Variants in RAB10 observed in about 807,000 individuals in gnomAD.
RAB10 encodes the protein RAB10, member RAS oncogene family.
RAB10 carries 5 observed loss-of-function variants against 25.7 expected under a neutral mutation model. That is an observed-to-expected ratio of 0.19 (90% CI 0.10 to 0.41). RAB10 has a LOEUF of 0.41. Among genes scored for constraint, RAB10 ranks in the 10% least tolerant of loss-of-function variants. The pLI, the probability that RAB10 is intolerant of heterozygous loss-of-function variation, is 1.00. For missense variants in RAB10, 103 were observed against 245.8 expected, an observed-to-expected ratio of 0.42 and a Z score of 3.89; for synonymous variants, 89 against 86.4, an observed-to-expected ratio of 1.03 and a Z score of -0.16.
chr2:26,038,374 T>G (rs561835176), intron 1 of RAB10, among the ~76,000 whole-genome samples: 1 of 151,508 alleles, frequency 6.6e-6, no homozygotes, highest in African/African-American at 2.4e-5. Context: ...TTTAGTATTT[T>G]TAGTAGAGGT....
chr2:26,078,208 G>A (rs1161519541), intron 1 of RAB10, among the ~76,000 whole-genome samples: 1 of 152,188 alleles, frequency 6.6e-6, no homozygotes, highest in Middle Eastern at 3.2e-3. Context: ...GGCATCCAAT[G>A]TCTGTAGACC....
intron 3 of RAB10, among the ~76,000 whole-genome samples, chr2:26,111,461 G>A (rs1667570497): frequency 6.6e-6 from 1 of 152,006 alleles, no homozygotes; most frequent in Non-Finnish European, 1.5e-5. Flanking sequence ...AAACTTAGCT[G>A]GGTGGGGTGG....
In RAB10 at chr2:26,135,057, CCGT is replaced by C; in HGVS notation, c.*37_*39del. The C allele has an allele frequency of 6.5e-7, 1 of 1,532,026 alleles. No homozygotes were observed. Among genetic ancestry groups the C allele is most frequent in the Non-Finnish European group, 9.0e-7 (1 of 1,112,320 alleles). The allele number at this position is 1,532,026 out of a possible 1,614,324, so 94.9% of individuals were successfully genotyped here. On this transcript the variant is annotated 3_prime_UTR_variant, in exon 6 of 6. Transcript: ENST00000264710. The stretch of plus-strand genomic sequence containing the variant: ...GTTCCATCAGTTGCCATCCACTACC[CCGT>C]TTTCTCTTCTTGCTGCAAAATAAAC...
rs189966866 is a variant in RAB10 at position 26,068,327 on chromosome 2, C to T, written c.128-30335C>T. ...AGCCTGGTAGTCCATGCTAAGGATT[C>T]GAATTCCATGGAAGGTTTGAGCAGG... On this transcript the variant is annotated intron_variant, in intron 1 of 5. Transcript: ENST00000264710. Among the ~76,000 whole-genome samples, 11 of 152,140 alleles carry T rather than the reference C, an allele frequency of 7.2e-5. No homozygotes were observed. In the South Asian group the frequency reaches 1.0e-3, roughly 14 times the overall value.
intron 2 of RAB10, among the ~76,000 whole-genome samples, chr2:26,108,412 G>A (rs993693257): frequency 2.6e-5 from 4 of 152,122 alleles, no homozygotes; most frequent in Admixed American, 2.0e-4. Flanking sequence ...TCAAAAGGTA[G>A]CATACTACAT....
intron 3 of RAB10, among the ~76,000 whole-genome samples, chr2:26,119,408 C>G (rs916343916): frequency 2.4e-4 from 34 of 144,216 alleles, no homozygotes; most frequent in African/African-American, 8.4e-4. Context: ...GACCCTGTCT[C>G]AAAAAAAAAA....
chr2:26,101,588 GCTT>G (rs1667340540), intron 2 of RAB10: 1 of 152,610 alleles, frequency 6.6e-6, no homozygotes, highest in Non-Finnish European at 1.5e-5. Flanking sequence ...GGCGGGCAGT[GCTT>G]CTAGGGACTG....
intron 1 of RAB10, among the ~76,000 whole-genome samples, chr2:26,059,832 G>A (rs1369743073): frequency 4.6e-5 from 7 of 152,140 alleles, no homozygotes; most frequent in African/African-American, 7.2e-5. Flanking sequence ...CTGGAGATAC[G>A]TTTCACAACA....
intron 1 of RAB10, among the ~76,000 whole-genome samples, chr2:26,041,423 C>T (rs1251991128): frequency 1.3e-5 from 2 of 150,696 alleles, no homozygotes; most frequent in African/African-American, 4.9e-5. Context: ...TGCCTGTTGC[C>T]CCAGCTGCTT....
chr2:26,068,804 T>G (rs1666566453), intron 1 of RAB10, among the ~76,000 whole-genome samples: 1 of 152,234 alleles, frequency 6.6e-6, no homozygotes, highest in Non-Finnish European at 1.5e-5. Context: ...GGGCAAGGCT[T>G]AAAACCAGCT....
Position 26,105,516 on chromosome 2 carries a change from G to A in RAB10, c.189-4252G>A, listed in dbSNP as rs867984922. On this transcript the variant is annotated intron_variant, in intron 2 of 5. Transcript: ENST00000264710. ...CTAAAAATATTAAAATTAGCTGGGC[G>A]TGGTGGCACACACCTGTAATCCCAG... Among the ~76,000 whole-genome samples the A allele has an allele frequency of 1.4e-4, 21 of 151,982 alleles. 1 individual carries two copies. Among genetic ancestry groups the A allele is most frequent in the Non-Finnish European group, 2.2e-4 (15 of 68,018 alleles).
At chr2:26,092,341 C>T (rs990310025) in intron 1 of RAB10, among the ~76,000 whole-genome samples, 1 of 140,476 alleles carries the variant, frequency 7.1e-6, no homozygotes, top group African/African-American at 2.6e-5. Flanking sequence ...TTAATAATAA[C>T]AACAACAACA....
chr2:26,134,312 C>G (rs1269519445), intron 5 of RAB10, among the ~76,000 whole-genome samples: 1 of 152,024 alleles, frequency 6.6e-6, no homozygotes, highest in African/African-American at 2.4e-5. Context: ...AGATGGGGGT[C>G]TTGCTGTGTT....
intron 1 of RAB10, among the ~76,000 whole-genome samples, chr2:26,085,683 G>T (rs1666962139): frequency 6.6e-6 from 1 of 151,698 alleles, no homozygotes; most frequent in African/African-American, 2.4e-5. Context: ...TCATGTATCT[G>T]ATCAAGATTA....
At position 26,135,401 on chromosome 2, in the gene RAB10, A is replaced by G. The variant is rs1001114067; in HGVS notation, c.*380A>G. The G allele has an allele frequency of 1.9e-5, 3 of 159,914 alleles. No individual in the cohort carries two copies. The highest frequency in any genetic ancestry group is 7.2e-5 in the African/African-American group (3 of 41,790). 9.9% of individuals were successfully genotyped at this position (159,914 alleles called of 1,614,324 possible). A position where few individuals can be genotyped will look rare whatever the true frequency, so the allele number is the denominator to read the frequency against. ...CAATTTTATTTTGTACAACAGTGGA[A>G]TTTTCTGTCATGGATAATGTGCTTG... On this transcript the variant is annotated 3_prime_UTR_variant, in exon 6 of 6. Coordinates refer to ENST00000264710, the MANE Select transcript of RAB10 (RefSeq NM_016131.5).
rs115492654 is a variant in RAB10, at chr2:26,080,370, A to G, written c.128-18292A>G. ...AAAATTGTTGCGGCAGGAGCCAGGA[A>G]TGGAATGTAAAATCAGTGGGCAAAA... On this transcript the variant is annotated intron_variant, in intron 1 of 5. Transcript: ENST00000264710. Among the ~76,000 whole-genome samples the G allele has an allele frequency of 6.2e-3, 949 of 152,316 alleles. 2 individuals carry two copies. Among genetic ancestry groups the G allele is most frequent in the African/African-American group, 0.022 (915 of 41,566 alleles).
chr2:26,074,035 C>CT (rs1452488085), intron 1 of RAB10, among the ~76,000 whole-genome samples: 2 of 152,220 alleles, frequency 1.3e-5, no homozygotes, highest in African/African-American at 4.8e-5. Flanking sequence ...GGAATTTGGA[C>CT]TTTGTCTAGT....
At position 26,040,607 on chromosome 2, in the gene RAB10, C is replaced by T. The variant is rs761077896; in HGVS notation, c.127+5872C>T. ...CAGGAGTTCAAAGGTGCAGTGAGCTCGGATCACACCACTGCACTCCAGCCT... is the reference window on the plus strand; with the variant it reads ...CAGGAGTTCAAAGGTGCAGTGAGCTTGGATCACACCACTGCACTCCAGCCT... On this transcript the variant is annotated intron_variant, in intron 1 of 5. Transcript: ENST00000264710. Among the ~76,000 whole-genome samples, 21 of 151,940 alleles carry T rather than the reference C, an allele frequency of 1.4e-4. 1 individual carries two copies. Among genetic ancestry groups the T allele is most frequent in the Admixed American group, 9.9e-4 (15 of 15,228 alleles).
At chr2:26,125,273 T>G (rs2149289045) in intron 3 of RAB10, among the ~76,000 whole-genome samples, 2 of 152,224 alleles carry the variant, frequency 1.3e-5, no homozygotes, top group South Asian at 4.1e-4. Flanking sequence ...GTGTTTTCTG[T>G]TTTTTTAATA....
Sources: allele counts gnomAD v4.1 joint callset (sites outside exome capture counted in the v4.1 genomes callset), GRCh38; gene constraint gnomAD v4.1.1; transcripts MANE v1.5; gene names NCBI Gene and HGNC (gene_info 2026-07-23, HGNC 2026-07-21).